The following STAG1 variants were observed in gnomAD, a reference collection of about 807,000 sequenced individuals.
STAG1 encodes cohesin subunit SA-1.
Under a neutral mutation model 170.9 loss-of-function variants are expected in STAG1, and 26 were observed. That is an observed-to-expected ratio of 0.15 (90% CI 0.11 to 0.21). The LOEUF is 0.21. STAG1 is among the 10% of genes least tolerant of loss of function. The pLI is 1.00. For missense variants in STAG1, 964 were observed against 1,509.5 expected, an observed-to-expected ratio of 0.64 and a Z score of 5.99; for synonymous variants, 514 against 497.7, an observed-to-expected ratio of 1.03 and a Z score of -0.44.
intron 4 of STAG1, among the ~76,000 whole-genome samples, chr3:136,578,795 C>A (rs1170536854): frequency 3.9e-5 from 6 of 152,154 alleles, no homozygotes; most frequent in Non-Finnish European, 7.3e-5. Flanking sequence ...AGTGGGACCA[C>A]CACTGACCCA....
intron 1 of STAG1, among the ~76,000 whole-genome samples, chr3:136,747,408 G>A (rs1035245333): frequency 2.6e-4 from 40 of 152,276 alleles, no homozygotes; most frequent in African/African-American, 9.6e-4. Context: ...CTTAACTTCG[G>A]CCACACACAC....
At chr3:136,585,102 C>G (rs1016073608) in intron 4 of STAG1, among the ~76,000 whole-genome samples, 5 of 152,140 alleles carry the variant, frequency 3.3e-5, no homozygotes, top group African/African-American at 1.2e-4. Context: ...ATGCCTTCAA[C>G]AATTATTTTA....
chr3:136,449,069 T>C (rs766142781), intron 14 of STAG1, among the ~76,000 whole-genome samples: 17 of 152,216 alleles, frequency 1.1e-4, no homozygotes, highest in Non-Finnish European at 2.4e-4. Flanking sequence ...TGGAATACCA[T>C]CATACTATGA....
intron 29 of STAG1, among the ~76,000 whole-genome samples, chr3:136,348,295 T>G (rs988727604): frequency 6.6e-6 from 1 of 151,490 alleles, no homozygotes; most frequent in Non-Finnish European, 1.5e-5. Context: ...TTTTTAGGTT[T>G]TTTTTTTTTT....
intron 1 of STAG1, among the ~76,000 whole-genome samples, chr3:136,720,176 C>CA (rs59409389): frequency 0.015 from 890 of 60,924 alleles, 5 homozygotes; most frequent in South Asian, 0.059. Context: ...AATTCCGTCT[C>CA]AAAAAAAAAA....
intron 6 of STAG1, among the ~76,000 whole-genome samples, chr3:136,540,103 G>A (rs1203202866): frequency 6.6e-6 from 1 of 151,840 alleles, no homozygotes; most frequent in Non-Finnish European, 1.5e-5. Context: ...GACATATATA[G>A]TCTTTTGAAG....
intron 20 of STAG1, 86 bp downstream of exon 20, chr3:136,421,007 G>T: frequency 1.3e-6 from 1 of 743,256 alleles, no homozygotes; most frequent in Non-Finnish European, 2.1e-6. Context: ...ATGGCCTCAA[G>T]CAATCTGCCC....
intron 23 of STAG1, among the ~76,000 whole-genome samples, chr3:136,369,591 T>G (rs1937213505): frequency 6.6e-6 from 1 of 152,152 alleles, no homozygotes; most frequent in Non-Finnish European, 1.5e-5. Flanking sequence ...AGCAAGGTGT[T>G]GATTACAGGT....
intron 1 of STAG1, among the ~76,000 whole-genome samples, chr3:136,679,870 C>G (rs527899553): frequency 2.0e-5 from 3 of 151,886 alleles, no homozygotes; most frequent in Admixed American, 2.0e-4. Flanking sequence ...CCACTGCACT[C>G]CAGCCTGAGC....
At chr3:136,374,050 G>A (rs1937486253) in intron 23 of STAG1, among the ~76,000 whole-genome samples, 1 of 152,108 alleles carries the variant, frequency 6.6e-6, no homozygotes, top group Non-Finnish European at 1.5e-5. Context: ...ATATATTTAG[G>A]ATACTTAGCT....
chr3:136,379,237 T>C (rs1362097674), intron 22 of STAG1, among the ~76,000 whole-genome samples: 1 of 152,052 alleles, frequency 6.6e-6, no homozygotes, highest in Non-Finnish European at 1.5e-5. Context: ...AACTGCAATA[T>C]AGTGTAAGGA....
At chr3:136,662,214 T>C (rs1307444017) in intron 1 of STAG1, among the ~76,000 whole-genome samples, 1 of 150,848 alleles carries the variant, frequency 6.6e-6, no homozygotes, top group African/African-American at 2.4e-5. Context: ...TGCAGTGGCA[T>C]GATCTCAGCT....
At chr3:136,434,362 A>G (rs1370058558) in intron 15 of STAG1, among the ~76,000 whole-genome samples, 1 of 152,144 alleles carries the variant, frequency 6.6e-6, no homozygotes, top group Non-Finnish European at 1.5e-5. Context: ...AGATGTTATA[A>G]ACCATTTTAA....
intron 14 of STAG1, among the ~76,000 whole-genome samples, chr3:136,449,208 C>G (rs1416254947): frequency 1.3e-5 from 2 of 152,098 alleles, no homozygotes; most frequent in African/African-American, 2.4e-5. Context: ...CACCATGAAT[C>G]ATTAGAATCA....
intron 12 of STAG1, among the ~76,000 whole-genome samples, chr3:136,468,280 A>G (rs1023417145): frequency 6.6e-6 from 1 of 152,328 alleles, no homozygotes. Flanking sequence ...AAAGAAGAAA[A>G]GAGAGAAGAA....
intron 15 of STAG1, among the ~76,000 whole-genome samples, chr3:136,435,194 G>A (rs185690553): frequency 4.5e-4 from 68 of 152,012 alleles, no homozygotes; most frequent in African/African-American, 1.3e-3. Context: ...TTTCTATAAC[G>A]CTAATAGCAA....
At chr3:136,420,971 G>C (rs534109160) in intron 20 of STAG1, 122 bp downstream of exon 20, 124 of 537,762 alleles carry the variant, frequency 2.3e-4, no homozygotes, top group Admixed American at 1.0e-3. Flanking sequence ...GTACAGACAG[G>C]GTTTCGCCAG....
Position 136,421,147 on chromosome 3 carries a change from T to A in STAG1, c.2054A>T (p.Asp685Val), listed in dbSNP as rs1354067812. The A allele has an allele frequency of 6.2e-7, 1 of 1,608,134 alleles. No homozygotes were observed. Among genetic ancestry groups the A allele is most frequent in the Non-Finnish European group, 8.5e-7 (1 of 1,176,912 alleles). Residue 685 changes from aspartate (D) to valine (V), a missense_variant, in exon 20 of 34, where the codon GAT becomes GTT. Transcript: ENST00000383202. ...AGAAAGAACATTGTAAATGTCATCA[T>A]CATCAGCTTCTTCTCCCTATAAAAA... is the stretch of plus-strand genomic sequence containing the variant. The part of the protein sequence containing the change: ...DLLQEGEEAD[D>V]DDIYNVLSTL...
chr3:136,408,967 A>G lies in STAG1; in HGVS notation c.2196+8918T>C, dbSNP rs554479848. ...GCATGACTCTATCAATATAAATAAC[A>G]TAAATAGTAAGTCACAAGCCAGGTG... On this transcript the variant is annotated intron_variant, in intron 21 of 33. Coordinates refer to ENST00000383202, the MANE Select transcript of STAG1 (RefSeq NM_005862.3). Among the ~76,000 whole-genome samples, 3 of 152,294 alleles carry G rather than the reference A, an allele frequency of 2.0e-5. No homozygotes were observed. In the East Asian group the frequency reaches 5.8e-4, roughly 29 times the overall value.
Sources: allele counts gnomAD v4.1 joint callset (sites outside exome capture counted in the v4.1 genomes callset), GRCh38; gene constraint gnomAD v4.1.1; transcripts MANE v1.5; gene names NCBI Gene and HGNC (gene_info 2026-07-23, HGNC 2026-07-21).